The following DPP10 variants were observed in gnomAD, a reference collection of about 807,000 sequenced individuals.
DPP10 encodes dipeptidyl peptidase like 10, also known as inactive dipeptidyl peptidase 10.
A neutral mutation model predicts 120.9 loss-of-function variants in DPP10; 33 were observed. The observed-to-expected ratio is 0.27, with a 90% CI of 0.21 to 0.37. The LOEUF is 0.37. Among genes scored for constraint, DPP10 ranks in the 10% least tolerant of loss-of-function variants. The pLI is 1.00. For missense variants in DPP10, 816 were observed against 942.8 expected, an observed-to-expected ratio of 0.87 and a Z score of 1.76; for synonymous variants, 337 against 326.1, an observed-to-expected ratio of 1.03 and a Z score of -0.36.
chr2:115,379,838 T>A (rs544491611), intron 3 of DPP10, among the ~76,000 whole-genome samples: 1 of 152,342 alleles, frequency 6.6e-6, no homozygotes, highest in East Asian at 1.9e-4. Context: ...AGCAGGTTCT[T>A]CAGTTTCCAT....
intron 1 of DPP10, among the ~76,000 whole-genome samples, chr2:114,646,030 T>C (rs1027953786): frequency 6.6e-6 from 1 of 151,898 alleles, no homozygotes; most frequent in Non-Finnish European, 1.5e-5. Context: ...CGTGGTGGCA[T>C]GCACCTGTAA....
chr2:115,333,138 T>C (rs536660686), intron 2 of DPP10, among the ~76,000 whole-genome samples: 1 of 152,274 alleles, frequency 6.6e-6, no homozygotes, highest in East Asian at 1.9e-4. Context: ...TTAGGATTGT[T>C]AGCTTTTCTT....
chr2:115,223,901 A>G (rs1308031340), intron 1 of DPP10, among the ~76,000 whole-genome samples: 1 of 152,184 alleles, frequency 6.6e-6, no homozygotes, highest in Non-Finnish European at 1.5e-5. Flanking sequence ...ATGATATATC[A>G]ATACTTTGGA....
intron 1 of DPP10, among the ~76,000 whole-genome samples, chr2:114,752,742 C>A (rs1279968229): frequency 6.6e-6 from 1 of 152,196 alleles, no homozygotes; most frequent in East Asian, 1.9e-4. Context: ...TACCAGACCA[C>A]ACTTAGAGAA....
At chr2:115,714,278 T>G (rs550925039) in intron 7 of DPP10, among the ~76,000 whole-genome samples, 5 of 152,298 alleles carry the variant, frequency 3.3e-5, no homozygotes, top group Middle Eastern at 3.4e-3. Context: ...AATGTTGAGA[T>G]TGTTGCTATC....
At chr2:115,384,802 A>G (rs2066791047) in intron 3 of DPP10, among the ~76,000 whole-genome samples, 1 of 152,246 alleles carries the variant, frequency 6.6e-6, no homozygotes, top group Admixed American at 6.5e-5. Context: ...GGTGAAACAT[A>G]GAAAGGTCAC....
intron 2 of DPP10, among the ~76,000 whole-genome samples, chr2:115,335,955 G>C (rs2063106070): frequency 6.6e-6 from 1 of 151,940 alleles, no homozygotes; most frequent in African/African-American, 2.4e-5. Context: ...ATAACTACTT[G>C]ATTAGATTTT....
Position 115,526,070 on chromosome 2 carries a change from G to A in DPP10, c.441+98G>A, listed in dbSNP as rs1244867151. 4 of 898,812 alleles carry A rather than the reference G, an allele frequency of 4.5e-6. No homozygotes were observed. The African/African-American group carries it at 6.8e-5, about 15-fold the overall frequency. The allele number at this position is 898,812 out of a possible 1,614,324, so 55.7% of individuals were successfully genotyped here. ...GCTATAACTCACCTAAGCAAAATCTGGCATGTCTAGTAACTACCGGAGGAC... is the reference window on the plus strand; with the variant it reads ...GCTATAACTCACCTAAGCAAAATCTAGCATGTCTAGTAACTACCGGAGGAC... On this transcript the variant is annotated intron_variant, in intron 5 of 25. Coordinates refer to ENST00000410059, the MANE Select transcript of DPP10 (RefSeq NM_020868.6).
At chr2:114,600,514 T>TA (rs1431139208) in intron 1 of DPP10, among the ~76,000 whole-genome samples, 2 of 151,772 alleles carry the variant, frequency 1.3e-5, no homozygotes, top group Non-Finnish European at 3.0e-5. Context: ...TATATGTGAT[T>TA]TCTCTGGGCT....
At chr2:114,872,310 C>T (rs1441681941) in intron 1 of DPP10, among the ~76,000 whole-genome samples, 1 of 151,994 alleles carries the variant, frequency 6.6e-6, no homozygotes, top group Non-Finnish European at 1.5e-5. Flanking sequence ...CTTTATAAAG[C>T]CATCATATTC....
chr2:114,847,926 T>C (rs1688671523), intron 1 of DPP10, among the ~76,000 whole-genome samples: 1 of 152,162 alleles, frequency 6.6e-6, no homozygotes, highest in African/African-American at 2.4e-5. Context: ...TAATGACATC[T>C]AGAAGACTTT....
At chr2:115,105,652 A>C (rs1435350434) in intron 1 of DPP10, among the ~76,000 whole-genome samples, 1 of 152,192 alleles carries the variant, frequency 6.6e-6, no homozygotes, top group African/African-American at 2.4e-5. Context: ...GACAAATACC[A>C]AACTATATCA....
At chr2:115,011,744 A>G (rs1702279496) in intron 1 of DPP10, among the ~76,000 whole-genome samples, 1 of 152,176 alleles carries the variant, frequency 6.6e-6, no homozygotes, top group Non-Finnish European at 1.5e-5. Context: ...TGCTCCAAGA[A>G]CTACTGCAAG....
chr2:114,558,230 G>A (rs1049574428), intron 1 of DPP10, among the ~76,000 whole-genome samples: 3 of 152,176 alleles, frequency 2.0e-5, no homozygotes, highest in Non-Finnish European at 4.4e-5. Context: ...GAGGTCTTCG[G>A]AAGTCCTCAG....
intron 22 of DPP10, 98 bp from the exon 23 acceptor site, chr2:115,836,409 A>G: frequency 6.7e-7 from 1 of 1,487,482 alleles, no homozygotes; most frequent in Non-Finnish European, 9.2e-7. Flanking sequence ...TGATTTTACT[A>G]AAGCATGACA....
intron 1 of DPP10, among the ~76,000 whole-genome samples, chr2:114,961,338 G>T (rs931261636): frequency 4.6e-5 from 7 of 152,084 alleles, no homozygotes; most frequent in African/African-American, 1.7e-4. Flanking sequence ...AAAGGCATGA[G>T]CCACTGCGCC....
chr2:115,494,353 C>A (rs1221097109), intron 3 of DPP10, among the ~76,000 whole-genome samples: 1 of 152,128 alleles, frequency 6.6e-6, no homozygotes, highest in African/African-American at 2.4e-5. Flanking sequence ...GGAGAAAGTT[C>A]ATCTCTTCCC....
chr2:115,218,573 A>G (rs1231817649), intron 1 of DPP10, among the ~76,000 whole-genome samples: 8 of 152,154 alleles, frequency 5.3e-5, no homozygotes, highest in Admixed American at 5.2e-4. Context: ...CTTCAACAAG[A>G]TCCTGTTCCA....
intron 1 of DPP10, among the ~76,000 whole-genome samples, chr2:115,283,941 A>G (rs1203061315): frequency 1.3e-5 from 2 of 152,070 alleles, no homozygotes; most frequent in Admixed American, 1.3e-4. Context: ...GGTGTGTAAT[A>G]TGCTATACCA....
Sources: allele counts gnomAD v4.1 joint callset (sites outside exome capture counted in the v4.1 genomes callset), GRCh38; gene constraint gnomAD v4.1.1; transcripts MANE v1.5; gene names NCBI Gene and HGNC (gene_info 2026-07-23, HGNC 2026-07-21).